The following TCERG1L variants were observed in gnomAD, a reference collection of about 807,000 sequenced individuals.
TCERG1L encodes the protein transcription elongation regulator 1-like protein.
A neutral mutation model predicts 56.3 loss-of-function variants in TCERG1L; 37 were observed. That is an observed-to-expected ratio of 0.66 (90% CI 0.51 to 0.87). The LOEUF is 0.87. Ranked by LOEUF, TCERG1L falls within the 40% of genes least tolerant of loss-of-function variation. TCERG1L has a pLI of 0.00. For synonymous variants in TCERG1L, 324 were observed against 326.3 expected, an observed-to-expected ratio of 0.99 and a Z score of 0.08; for missense variants, 799 against 774.2, an observed-to-expected ratio of 1.03 and a Z score of -0.38.
intron 4 of TCERG1L, among the ~76,000 whole-genome samples, chr10:131,239,189 A>G (rs937844853): frequency 2.0e-5 from 3 of 152,238 alleles, no homozygotes; most frequent in African/African-American, 7.2e-5. Flanking sequence ...GCAGACCTGC[A>G]GTCTCCTTTC....
intron 6 of TCERG1L, among the ~76,000 whole-genome samples, chr10:131,150,646 A>G (rs1845853380): frequency 6.6e-6 from 1 of 152,184 alleles, no homozygotes; most frequent in African/African-American, 2.4e-5. Context: ...CCTGGCAGGG[A>G]CCAGCAAGAG....
intron 4 of TCERG1L, among the ~76,000 whole-genome samples, chr10:131,201,144 A>T (rs1235577817): frequency 6.6e-6 from 1 of 152,202 alleles, no homozygotes; most frequent in East Asian, 1.9e-4. Context: ...TGGAACCATC[A>T]CAAGAGGTGA....
At chr10:131,207,025 C>T (rs892901129) in intron 4 of TCERG1L, among the ~76,000 whole-genome samples, 1 of 152,226 alleles carries the variant, frequency 6.6e-6, no homozygotes, top group Non-Finnish European at 1.5e-5. Flanking sequence ...CAGTTCCCCT[C>T]TTCAGAGCTG....
intron 4 of TCERG1L, among the ~76,000 whole-genome samples, chr10:131,210,299 G>A (rs1303412848): frequency 6.6e-6 from 1 of 152,170 alleles, no homozygotes; most frequent in African/African-American, 2.4e-5. Flanking sequence ...CAAGGACCAA[G>A]GCCACTGACT....
chr10:131,247,062 A>C (rs993130660), intron 4 of TCERG1L, among the ~76,000 whole-genome samples: 1 of 152,088 alleles, frequency 6.6e-6, no homozygotes, highest in Admixed American at 6.5e-5. Flanking sequence ...ATGTGTAGGG[A>C]GGGGAGTATG....
chr10:131,144,527 C>A (rs569838768), intron 7 of TCERG1L, among the ~76,000 whole-genome samples: 1 of 152,064 alleles, frequency 6.6e-6, no homozygotes, highest in Admixed American at 6.6e-5. Context: ...ATCAACTGCA[C>A]CCTGGCAACC....
intron 4 of TCERG1L, among the ~76,000 whole-genome samples, chr10:131,211,298 C>T (rs914985113): frequency 1.2e-4 from 19 of 152,206 alleles, no homozygotes; most frequent in Non-Finnish European, 1.0e-4. Flanking sequence ...AGGCTAGAAC[C>T]GGATCAGATG....
chr10:131,145,040 T>G (rs1189643211), intron 7 of TCERG1L, among the ~76,000 whole-genome samples: 1 of 152,212 alleles, frequency 6.6e-6, no homozygotes, highest in Non-Finnish European at 1.5e-5. Flanking sequence ...TTGTTTCTCA[T>G]TACTACCAAT....
chr10:131,141,337 A>G (rs1845736667), intron 7 of TCERG1L, among the ~76,000 whole-genome samples: 1 of 151,884 alleles, frequency 6.6e-6, no homozygotes, highest in African/African-American at 2.4e-5. Context: ...AGCTCAAAAC[A>G]CACCCTTTAC....
chr10:131,280,792 CA>C (rs1846443338), intron 3 of TCERG1L, among the ~76,000 whole-genome samples: 1 of 152,134 alleles, frequency 6.6e-6, no homozygotes, highest in African/African-American at 2.4e-5. Context: ...CTCAGAGATG[CA>C]CCCGACAGGC....
chr10:131,128,320 C>G (rs1224312562), intron 8 of TCERG1L, among the ~76,000 whole-genome samples: 1 of 152,142 alleles, frequency 6.6e-6, no homozygotes, highest in Non-Finnish European at 1.5e-5. Context: ...CGAGGGAGAA[C>G]CAAACAGTTC....
chr10:131,155,837 G>A (rs950579931), intron 6 of TCERG1L, among the ~76,000 whole-genome samples: 1 of 152,132 alleles, frequency 6.6e-6, no homozygotes, highest in Non-Finnish European at 1.5e-5. Flanking sequence ...ACTCTCAAAT[G>A]CGAGCTAAAT....
chr10:131,111,621 C>T (rs1845414221), intron 9 of TCERG1L, among the ~76,000 whole-genome samples: 1 of 142,702 alleles, frequency 7.0e-6, no homozygotes. Flanking sequence ...CTCTCAATGA[C>T]CCTGCAGCTG....
intron 4 of TCERG1L, among the ~76,000 whole-genome samples, chr10:131,256,838 C>T (rs1034523511): frequency 6.6e-6 from 1 of 150,884 alleles, no homozygotes; most frequent in East Asian, 2.0e-4. Flanking sequence ...GAGCCGAGAC[C>T]GCACCACTGC....
chr10:131,218,525 T>C (rs1004063104), intron 4 of TCERG1L, among the ~76,000 whole-genome samples: 11 of 152,078 alleles, frequency 7.2e-5, no homozygotes, highest in Admixed American at 2.6e-4. Flanking sequence ...CAGAGTTTCG[T>C]TCTTGTTGCC....
intron 7 of TCERG1L, among the ~76,000 whole-genome samples, chr10:131,140,637 G>T (rs1209913171): frequency 3.3e-5 from 5 of 152,200 alleles, no homozygotes. Context: ...GGGCACAGTG[G>T]GGGGTCCTCC....
At chr10:131,285,663 T>C (rs995801485) in intron 3 of TCERG1L, among the ~76,000 whole-genome samples, 27 of 152,288 alleles carry the variant, frequency 1.8e-4, no homozygotes, top group African/African-American at 6.3e-4. Context: ...AAGTGCAGCA[T>C]TGTGTATATG....
chr10:131,153,003 G>C (rs1845881923), intron 6 of TCERG1L, among the ~76,000 whole-genome samples: 1 of 152,152 alleles, frequency 6.6e-6, no homozygotes, highest in South Asian at 2.1e-4. Context: ...GGGGATTATG[G>C]GGATTACAAT....
At chr10:131,193,273 T>C (rs1038234484) in intron 4 of TCERG1L, among the ~76,000 whole-genome samples, 25 of 152,168 alleles carry the variant, frequency 1.6e-4, no homozygotes, top group Non-Finnish European at 3.1e-4. Flanking sequence ...CCTACCAGAT[T>C]AATCATTTGC....
Sources: allele counts gnomAD v4.1 joint callset (sites outside exome capture counted in the v4.1 genomes callset), GRCh38; gene constraint gnomAD v4.1.1; transcripts MANE v1.5; gene names NCBI Gene and HGNC (gene_info 2026-07-23, HGNC 2026-07-21).